The following ESR1 variants were observed in gnomAD, a reference collection of about 807,000 sequenced individuals.
The protein encoded by ESR1 is estrogen receptor 1.
A neutral mutation model predicts 52.7 loss-of-function variants in ESR1; 12 were observed. That is an observed-to-expected ratio of 0.23 (90% confidence interval 0.15 to 0.37). The LOEUF (loss-of-function observed/expected upper bound fraction) is 0.37, where lower values mean the gene tolerates loss of function less well. ESR1 is among the 10% of genes least tolerant of loss of function. The probability of loss-of-function intolerance (pLI) is 1.00; values close to 1 mark genes in which losing one functional copy is unlikely to be tolerated. For synonymous variants in ESR1, 305 were observed against 316.8 expected (o/e 0.96, Z 0.39); for missense variants, 584 against 779.7 (o/e 0.75, Z 2.99).
chr6:152,002,990 G>T (rs2128749537), intron 4 of ESR1, among the ~76,000 whole-genome samples: 1 of 152,020 alleles, frequency 6.6e-6, no homozygotes, highest in African/African-American at 2.4e-5. Flanking sequence ...GGGTTTTTTT[G>T]TGTGTGTTTG....
At chr6:151,970,965 T>A (rs2128633838) in intron 4 of ESR1, among the ~76,000 whole-genome samples, 1 of 152,340 alleles carries the variant, frequency 6.6e-6, no homozygotes, top group East Asian at 1.9e-4. Flanking sequence ...TTTACTCTGT[T>A]ATATTTCACC....
intron 3 of ESR1, among the ~76,000 whole-genome samples, chr6:151,883,950 G>A (rs1793399869): frequency 6.6e-6 from 1 of 152,016 alleles, no homozygotes; most frequent in Admixed American, 6.5e-5. Context: ...CCTCACTTAA[G>A]GTACAATTTC....
intron 1 of ESR1, among the ~76,000 whole-genome samples, chr6:151,818,826 T>C (rs199717529): frequency 2.1e-5 from 3 of 144,462 alleles, no homozygotes; most frequent in Non-Finnish European, 4.4e-5. Flanking sequence ...CACACACACA[T>C]ATATATACCT....
chr6:152,091,234 G>A (rs549805431), intron 6 of ESR1, among the ~76,000 whole-genome samples: 3 of 152,326 alleles, frequency 2.0e-5, no homozygotes, highest in South Asian at 2.1e-4. Flanking sequence ...AGGGCAACAG[G>A]CAGCACACAT....
chr6:152,056,857 C>T (rs2047146509), intron 5 of ESR1, among the ~76,000 whole-genome samples: 1 of 152,124 alleles, frequency 6.6e-6, no homozygotes, highest in Admixed American at 6.6e-5. Flanking sequence ...TGTGTGCTTC[C>T]TTTAAAAATA....
At chr6:152,085,615 C>A (rs1316799625) in intron 6 of ESR1, among the ~76,000 whole-genome samples, 1 of 152,054 alleles carries the variant, frequency 6.6e-6, no homozygotes, top group Non-Finnish European at 1.5e-5. Flanking sequence ...CTGGAGCTGT[C>A]AACTGGGAGA....
intron 2 of ESR1, among the ~76,000 whole-genome samples, chr6:151,756,484 C>G (rs1399197480): frequency 3.3e-5 from 5 of 152,078 alleles, no homozygotes; most frequent in African/African-American, 1.2e-4. Context: ...CTGACCTTGG[C>G]TTCCCAAAGT....
chr6:151,881,066 A>T (rs201950674), intron 3 of ESR1, among the ~76,000 whole-genome samples: 2 of 152,224 alleles, frequency 1.3e-5, no homozygotes, highest in East Asian at 3.8e-4. Context: ...GGAAACGAAG[A>T]GTGCTTAGTA....
chr6:151,661,640 T>G (rs1401822569), intron 1 of ESR1, among the ~76,000 whole-genome samples: 1 of 152,218 alleles, frequency 6.6e-6, no homozygotes, highest in African/African-American at 2.4e-5. Flanking sequence ...GGCACTGACA[T>G]GGTTTGGCTC....
At chr6:151,920,416 G>A (rs1047012182) in intron 3 of ESR1, among the ~76,000 whole-genome samples, 3 of 151,322 alleles carry the variant, frequency 2.0e-5, no homozygotes, top group Admixed American at 1.3e-4. Flanking sequence ...CTCTATTATC[G>A]ACATCTTACA....
intron 4 of ESR1, among the ~76,000 whole-genome samples, chr6:151,954,759 A>G (rs1200655866): frequency 6.6e-6 from 1 of 152,236 alleles, no homozygotes; most frequent in African/African-American, 2.4e-5. Flanking sequence ...CAAAACATGC[A>G]TTCAAGTTCT....
At chr6:151,981,748 G>T (rs1465026949) in intron 4 of ESR1, among the ~76,000 whole-genome samples, 1 of 152,184 alleles carries the variant, frequency 6.6e-6, no homozygotes, top group Non-Finnish European at 1.5e-5. Context: ...TTGAACTTTA[G>T]AAATTCAAAT....
chr6:152,018,736 G>C (rs1288637115), intron 5 of ESR1, among the ~76,000 whole-genome samples: 1 of 151,920 alleles, frequency 6.6e-6, no homozygotes, highest in South Asian at 2.1e-4. Context: ...TTAGGCCCTG[G>C]GCCCTTGAAG....
chr6:151,664,533 C>T (rs1351446439), intron 1 of ESR1, among the ~76,000 whole-genome samples: 4 of 152,106 alleles, frequency 2.6e-5, no homozygotes, highest in East Asian at 1.9e-4. Flanking sequence ...ACAGATATAT[C>T]GACAGAGTGA....
At chr6:151,969,023 TGGAGGGCA>T (rs917882257) in intron 4 of ESR1, among the ~76,000 whole-genome samples, 13 of 152,006 alleles carry the variant, frequency 8.6e-5, no homozygotes, top group African/African-American at 3.1e-4. Flanking sequence ...CAGTTTTGAG[TGGAGGGCA>T]GGAGTATTGG....
chr6:152,031,148 G>A (rs2044661080), intron 5 of ESR1, among the ~76,000 whole-genome samples: 1 of 152,178 alleles, frequency 6.6e-6, no homozygotes, highest in Non-Finnish European at 1.5e-5. Flanking sequence ...AGTGTGTAGA[G>A]GGAACTTTAT....
intron 6 of ESR1, among the ~76,000 whole-genome samples, chr6:152,065,494 T>A (rs2047895767): frequency 6.6e-6 from 1 of 152,216 alleles, no homozygotes; most frequent in Admixed American, 6.5e-5. Context: ...CTCTAATAAA[T>A]GTTTGGTTTG....
chr6:152,111,939 TC>T (rs1179711816), intron 6 of ESR1, among the ~76,000 whole-genome samples: 2 of 152,216 alleles, frequency 1.3e-5, no homozygotes, highest in African/African-American at 4.8e-5. Context: ...CATCAATTCA[TC>T]TTTGAATTTA....
intron 6 of ESR1, among the ~76,000 whole-genome samples, chr6:152,120,499 G>C (rs2051292868): frequency 6.6e-6 from 1 of 152,164 alleles, no homozygotes. Flanking sequence ...TGGGCCATAA[G>C]ATACAGACAA....
Sources: allele counts gnomAD v4.1 joint callset (sites outside exome capture counted in the v4.1 genomes callset), GRCh38; gene constraint gnomAD v4.1.1; transcripts MANE v1.5; gene names NCBI Gene and HGNC (gene_info 2026-07-23, HGNC 2026-07-21).